The following ROBO4 variants were observed in gnomAD, a reference collection of about 807,000 sequenced individuals.
The protein encoded by ROBO4 is roundabout homolog 4.
In ROBO4, 80 loss-of-function variants were observed where a neutral mutation model predicts 103.3. The ratio of observed to expected loss-of-function variants is 0.77; its 90% CI spans 0.65 to 0.93. The LOEUF is 0.93. Ranked by LOEUF, ROBO4 falls within the 40% of genes least tolerant of loss-of-function variation. ROBO4 has a pLI of 0.00. For synonymous variants in ROBO4, 504 were observed against 529.7 expected, an observed-to-expected ratio of 0.95 and a Z score of 0.67; for missense variants, 1,333 against 1,305.3, an observed-to-expected ratio of 1.02 and a Z score of -0.33.
rs1195697320 is a variant in ROBO4, at chr11:124,885,089, T to C, written c.2953A>G (p.Ile985Val). ...TGGAGCTGACTTCTCTGGGAAGAGA[T>C]CTGAGAGTCAGGGGGCCAGGGAGGC... ...GMPPWPPDSQ[I>V]SSQRSQLHCR... Residue 985 changes from isoleucine to valine, a missense_variant, in exon 17 of 18, where the codon ATC becomes GTC. Ile to Val is a conservative substitution (Grantham distance 29). Coordinates refer to ENST00000306534, the MANE Select transcript of ROBO4 (RefSeq NM_019055.6). The C allele has an allele frequency of 6.2e-7, 1 of 1,614,046 alleles. No individual in the cohort carries two copies. Among genetic ancestry groups the C allele is most frequent in the Admixed American group, 1.7e-5 (1 of 60,012 alleles).
Position 124,891,684 on chromosome 11 carries a change from G to C in ROBO4, c.1666C>G (p.Leu556Val). The part of the protein sequence containing the change: ...SRLGADARDP[L>V]DCRRSLLSWD... ...TGCTCACAGGAGCGACGACAGTCTA[G>C]TGGGTCCCGGGCATCCGCCCCCAGC... The change falls in exon 11 of 18, where the codon CTA becomes GTA. Residue 556 changes from leucine (L) to valine (V), a missense_variant. Coordinates refer to ENST00000306534, the MANE Select transcript of ROBO4 (RefSeq NM_019055.6). 1 of 1,614,192 alleles carries C rather than the reference G, an allele frequency of 6.2e-7. No homozygotes were observed. Among genetic ancestry groups the C allele is most frequent in the Non-Finnish European group, 8.5e-7 (1 of 1,180,042 alleles).
intron 12 of ROBO4, among the ~76,000 whole-genome samples, chr11:124,890,745 G>C (rs1208278103): frequency 6.6e-6 from 1 of 152,236 alleles, no homozygotes; most frequent in Non-Finnish European, 1.5e-5. Context: ...GCAGCTGGGA[G>C]TCAGGAGATA....
At chr11:124,894,987 C>A in intron 7 of ROBO4, 94 bp downstream of exon 7, 1 of 982,774 alleles carries the variant, frequency 1.0e-6, no homozygotes, top group Non-Finnish European at 1.6e-6. Context: ...GCCCAGGTAC[C>A]TTTCTCAGTG....
In ROBO4 at chr11:124,886,756, T is replaced by G. The variant is rs1489537368; in HGVS notation, c.2502A>C (p.Pro834=). The G allele has an allele frequency of 6.3e-7, 1 of 1,575,424 alleles. No homozygotes were observed. The highest frequency in any genetic ancestry group is 1.7e-5 in the Admixed American group (1 of 57,368). Residue 834 remains proline, a synonymous_variant, in exon 16 of 18, where the codon CCA becomes CCC. Coordinates refer to ENST00000306534, the MANE Select transcript of ROBO4 (RefSeq NM_019055.6). ...CCATGTCCGTGAACTCTGAGGCTGT[T>G]GGGACGCTGATGTACCCATAGGTGG... ...PPTTYGYISV[P]TASEFTDMGR...
At chr11:124,887,936 C>A (rs974745841) in intron 12 of ROBO4, 96 bp from the exon 13 acceptor site, 22 of 950,116 alleles carry the variant, frequency 2.3e-5, no homozygotes, top group Non-Finnish European at 3.5e-5. Context: ...TCAGCCTGCA[C>A]GACCCTGAAC....
intron 10 of ROBO4, 35 bp downstream of exon 10, chr11:124,893,653 C>T (rs1285507710): frequency 6.9e-6 from 11 of 1,605,238 alleles, no homozygotes; most frequent in Non-Finnish European, 9.4e-6. Flanking sequence ...CCTTGCCACC[C>T]TCCCTTACTT....
Position 124,897,270 on chromosome 11 carries a change from G to T in ROBO4, c.71-9C>A. 8 of 1,433,836 alleles carry T rather than the reference G, an allele frequency of 5.6e-6. No individual in the cohort carries two copies. The highest frequency in any genetic ancestry group is 7.3e-6 in the Non-Finnish European group (8 of 1,094,728). The allele number at this position is 1,433,836 out of a possible 1,614,324, so 88.8% of individuals were successfully genotyped here. A position where few individuals can be genotyped will look rare whatever the true frequency, so the allele number is the denominator to read the frequency against. ...GTCCTGAGCCATGCCTCCTGGGAGG[G>T]AAAGGGAGCAGAGCCCAGTCTGATC... On this transcript the variant is annotated splice_polypyrimidine_tract_variant and intron_variant, in intron 1 of 17. Transcript: ENST00000306534.
rs753393832 is a variant in ROBO4, at chr11:124,886,823, C to T, written c.2436-1G>A. ...CCTTGGCATGGGAGAGACGCTGTTC[C>T]TAGGGAGAGGCAAAAGGGGAGACAG... On this transcript the variant is annotated splice_acceptor_variant, in intron 15 of 17. Coordinates refer to ENST00000306534, the MANE Select transcript of ROBO4 (RefSeq NM_019055.6). LOFTEE classifies it high-confidence loss of function. 3 of 1,531,698 alleles carry T rather than the reference C, an allele frequency of 2.0e-6. No homozygotes were observed. Among genetic ancestry groups the T allele is most frequent in the East Asian group, 2.3e-5 (1 of 44,066 alleles). The allele number at this position is 1,531,698 out of a possible 1,614,324, so 94.9% of individuals were successfully genotyped here. A position where few individuals can be genotyped will look rare whatever the true frequency, so the allele number is the denominator to read the frequency against.
rs765032682 is a variant in ROBO4, at chr11:124,885,272, G to A, written c.2795-25C>T. 7 of 1,593,866 alleles carry A rather than the reference G, an allele frequency of 4.4e-6. No homozygotes were observed. The East Asian group carries it at 1.6e-4, about 36-fold the overall frequency. The stretch of plus-strand genomic sequence containing the variant: ...TCTGTCAGGGAGGGTAGAGGTGTCT[G>A]TGGGAGGTTGACCTTCAGCCCCTAG... On this transcript the variant is annotated intron_variant, in intron 16 of 17. Coordinates refer to ENST00000306534, the MANE Select transcript of ROBO4 (RefSeq NM_019055.6).
In ROBO4 at chr11:124,887,359, G is replaced by T. The variant is rs1946731565; in HGVS notation, c.2197C>A (p.Gln733Lys). The T allele has an allele frequency of 6.2e-7, 1 of 1,613,800 alleles. No homozygotes were observed. The highest frequency in any genetic ancestry group is 1.3e-5 in the African/African-American group (1 of 74,866). ...CTTCCCGACCCCATGCCCTCTTACT[G>T]GGTCTGTTGACTCTGAGTTGGGGGA... Reference protein sequence around the residue: ...ETPPTQSQQTQPPVAPQAPSS... With the variant: ...ETPPTQSQQTKPPVAPQAPSS... The change falls in exon 14 of 18, where the codon CAG (glutamine) becomes AAG (lysine). Residue 733 changes from glutamine to lysine, a missense_variant and splice_region_variant. Transcript: ENST00000306534.
rs1294087984 is a variant in ROBO4 at position 124,891,678 on chromosome 11, A to G, written c.1672T>C (p.Cys558Arg). ...LGADARDPLD[C>R]RRSLLSWDSR... ...TGAGCATGCTCACAGGAGCGACGAC[A>G]GTCTAGTGGGTCCCGGGCATCCGCC... The change falls in exon 11 of 18, where the codon TGT becomes CGT. Residue 558 changes from cysteine to arginine, a missense_variant. Coordinates refer to ENST00000306534, the MANE Select transcript of ROBO4 (RefSeq NM_019055.6). 1 of 1,614,196 alleles carries G rather than the reference A, an allele frequency of 6.2e-7. No individual in the cohort carries two copies. The highest frequency in any genetic ancestry group is 2.2e-5 in the East Asian group (1 of 44,882).
Position 124,897,823 on chromosome 11 carries a change from C to G in ROBO4, c.-28G>C. On this transcript the variant is annotated 5_prime_UTR_variant, in exon 1 of 18. Transcript: ENST00000306534. ...CTACTCTCAGCCCTATGTCCTTGTC[C>G]CGAGCACTTTGTCCTGCTGCTCTGA... 6.3e-7 allele frequency: 1 copy of G among 1,584,270 alleles called. No homozygotes were observed. Among genetic ancestry groups the G allele is most frequent in the Non-Finnish European group, 8.6e-7 (1 of 1,157,078 alleles).
rs113379021 is a variant in ROBO4, at chr11:124,884,838, G to A, written c.*53C>T. On this transcript the variant is annotated 3_prime_UTR_variant, in exon 18 of 18. Coordinates refer to ENST00000306534, the MANE Select transcript of ROBO4 (RefSeq NM_019055.6). ...ACACACCACAGCCCAGGTCTTGTGG[G>A]TGGACAGGAGAAGTGGTTCTGATTC... is the stretch of plus-strand genomic sequence containing the variant. 2.2e-4 allele frequency: 352 copies of A among 1,606,530 alleles called. No individual in the cohort carries two copies. The African/African-American group carries it at 4.0e-3, about 18-fold the overall frequency.
In ROBO4 at chr11:124,895,863, C is replaced by G. The variant is rs1946879942; in HGVS notation, c.729G>C (p.Gln243His). Residue 243 changes from glutamine to histidine, a missense_variant, in exon 5 of 18, where the codon CAG becomes CAC. Transcript: ENST00000306534. ...GGTTCAGCAGTGTCACATTTTCCAGCTGAATTCGCACAGCCAGAAGCTCCA... is the reference window on the plus strand; with the variant it reads ...GGTTCAGCAGTGTCACATTTTCCAGGTGAATTCGCACAGCCAGAAGCTCCA... ...EPVELLAVRI[Q>H]LENVTLLNPD... is the part of the protein sequence containing the mutation. 4 of 1,614,036 alleles carry G rather than the reference C, an allele frequency of 2.5e-6. No homozygotes were observed. The Admixed American group carries it at 6.7e-5, about 27-fold the overall frequency.
At chr11:124,896,905 C>A in intron 2 of ROBO4, 27 bp downstream of exon 2, 1 of 1,600,774 alleles carries the variant, frequency 6.2e-7, no homozygotes, top group Non-Finnish European at 8.5e-7. Context: ...GTTTGCCCCA[C>A]CCTGAAGCTC....
At position 124,886,699 on chromosome 11, in the gene ROBO4, C is replaced by T; in HGVS notation, c.2559G>A (p.Gly853=). Residue 853 remains glycine (G), a synonymous_variant, in exon 16 of 18, where the codon GGG becomes GGA. Coordinates refer to ENST00000306534, the MANE Select transcript of ROBO4 (RefSeq NM_019055.6). ...GCCGAGGTGGGCACAGCAAGACTCCCCCCTTGGGCCCCACCCCTCCTCCAG... is the reference window on the plus strand; with the variant it reads ...GCCGAGGTGGGCACAGCAAGACTCCTCCCTTGGGCCCCACCCCTCCTCCAG... ...GRTGGGVGPK[G]GVLLCPPRPC... 1 of 1,609,142 alleles carries T rather than the reference C, an allele frequency of 6.2e-7. No homozygotes were observed.
In ROBO4 at chr11:124,895,562, C is replaced by T; in HGVS notation, c.931G>A (p.Gly311Arg). ...TAGTCTTGGCCCCAGTGGAGGCCTC[C>T]AAGCTCTGCGCTCTGCCAGCCGGCC... Reference protein sequence around the residue: ...LLAGWQSAELGGLHWGQDYEF... With the variant: ...LLAGWQSAELRGLHWGQDYEF... The change falls in exon 6 of 18, where the codon GGA becomes AGA. Residue 311 changes from glycine to arginine, a missense_variant. Physicochemically the swap from Gly to Arg is moderately radical, Grantham distance 125. Transcript: ENST00000306534. The T allele has an allele frequency of 6.2e-7, 1 of 1,613,092 alleles. No individual in the cohort carries two copies. Among genetic ancestry groups the T allele is most frequent in the East Asian group, 2.2e-5 (1 of 44,882 alleles).
intron 7 of ROBO4, 85 bp from the exon 8 acceptor site, chr11:124,894,454 G>A: frequency 7.3e-7 from 1 of 1,370,230 alleles, no homozygotes; most frequent in Non-Finnish European, 9.9e-7. Flanking sequence ...CTCCAGGGGT[G>A]TGGTTATTCT....
Position 124,895,048 on chromosome 11 carries a change from A to G in ROBO4, c.1149+33T>C, listed in dbSNP as rs199780789. ...CAGAGAAAAGAGATGTCCTGGCAGCAGTAGGAAGGGCTATGACAGCTAGTG... is the reference window on the plus strand; with the variant it reads ...CAGAGAAAAGAGATGTCCTGGCAGCGGTAGGAAGGGCTATGACAGCTAGTG... On this transcript the variant is annotated intron_variant, in intron 7 of 17. Transcript: ENST00000306534. 13 of 1,441,066 alleles carry G rather than the reference A, an allele frequency of 9.0e-6. No individual in the cohort carries two copies. In the South Asian group the frequency reaches 1.1e-4, roughly 13 times the overall value. The allele number at this position is 1,441,066 out of a possible 1,614,324, so 89.3% of individuals were successfully genotyped here. A position where few individuals can be genotyped will look rare whatever the true frequency, so the allele number is the denominator to read the frequency against.
Sources: gnomAD v4.1 joint callset for allele counts (sites outside exome capture counted in the v4.1 genomes callset) on GRCh38, gnomAD v4.1.1 for gene constraint, MANE v1.5 for transcripts, NCBI Gene and HGNC (gene_info 2026-07-23, HGNC 2026-07-21) for gene names.